The following CLPTM1L variants were observed in gnomAD, a reference collection of about 807,000 sequenced individuals.
CLPTM1L encodes the protein lipid scramblase CLPTM1L.
CLPTM1L carries 38 observed loss-of-function variants against 70.9 expected under a neutral mutation model. That is an observed-to-expected ratio of 0.54 (90% confidence interval 0.41 to 0.70). The LOEUF is 0.70. CLPTM1L is among the 30% of genes least tolerant of loss of function. CLPTM1L has a pLI of 0.00. For missense variants in CLPTM1L, 652 were observed against 705.9 expected (o/e 0.92, Z 0.87); for synonymous variants, 339 against 299.9 (o/e 1.13, Z -1.35).
intron 9 of CLPTM1L, 63 bp from the exon 10 acceptor site, chr5:1,325,879 G>C: frequency 7.1e-7 from 1 of 1,406,970 alleles, no homozygotes; most frequent in Non-Finnish European, 1.0e-6. Flanking sequence ...ACGAATGAAC[G>C]ACCCAGACAG....
chr5:1,325,868 C>T, intron 9 of CLPTM1L, 52 bp from the exon 10 acceptor site: 1 of 1,497,158 alleles, frequency 6.7e-7, no homozygotes, highest in African/African-American at 1.4e-5. Flanking sequence ...GGCCAGGAGC[C>T]ACGAATGAAC....
At chr5:1,319,005 A>C (rs1276128669) in intron 16 of CLPTM1L, among the ~76,000 whole-genome samples, 1 of 152,180 alleles carries the variant, frequency 6.6e-6, no homozygotes, top group African/African-American at 2.4e-5. Context: ...GCTGCCCACC[A>C]AGGGCCCTGT....
intron 16 of CLPTM1L, among the ~76,000 whole-genome samples, chr5:1,319,156 C>T (rs181400934): frequency 3.1e-4 from 47 of 152,306 alleles, no homozygotes; most frequent in African/African-American, 1.0e-3. Flanking sequence ...CCACACCAGG[C>T]GCAGCAGCGT....
intron 7 of CLPTM1L, among the ~76,000 whole-genome samples, chr5:1,332,623 C>T (rs1302262846): frequency 6.6e-6 from 1 of 152,202 alleles, no homozygotes; most frequent in Non-Finnish European, 1.5e-5. Flanking sequence ...GCACAGCAGC[C>T]TTGCTTTACC....
chr5:1,341,252 C>A (rs1302047623), intron 3 of CLPTM1L, among the ~76,000 whole-genome samples: 1 of 152,224 alleles, frequency 6.6e-6, no homozygotes, highest in African/African-American at 2.4e-5. Flanking sequence ...CAATTACATT[C>A]TTAGAATAAA....
At chr5:1,336,560 C>T (rs1753589534) in intron 5 of CLPTM1L, among the ~76,000 whole-genome samples, 1 of 152,244 alleles carries the variant, frequency 6.6e-6, no homozygotes, top group Admixed American at 6.5e-5. Context: ...GAGGTGACCA[C>T]GAGCTGGTGC....
chr5:1,337,447 C>A (rs979047029), intron 5 of CLPTM1L, among the ~76,000 whole-genome samples: 13 of 152,254 alleles, frequency 8.5e-5, no homozygotes, highest in African/African-American at 3.1e-4. Context: ...ACCCCGGGGG[C>A]TCCAGCTCCG....
At position 1,341,675 on chromosome 5, in the gene CLPTM1L, G is replaced by A; in HGVS notation, c.449C>T (p.Thr150Ile). 6.2e-7 allele frequency: 1 copy of A among 1,606,456 alleles called. No individual in the cohort carries two copies. Among genetic ancestry groups the A allele is most frequent in the East Asian group, 2.2e-5 (1 of 44,646 alleles). The change falls in exon 3 of 17, where the codon ACA becomes ATA. Residue 150 changes from threonine (T) to isoleucine (I), a missense_variant. By Grantham distance (89) the Thr-to-Ile change is moderately conservative. Around this residue, in one of 3 missense-constraint regions of CLPTM1L, gnomAD observed 402 missense variants for 388.2 expected, o/e 1.04. Coordinates refer to ENST00000320895, the MANE Select transcript of CLPTM1L (RefSeq NM_030782.5). The part of the protein sequence containing the change: ...EINLLTGESD[T>I]QQIEAEKKPT... The stretch of plus-strand genomic sequence containing the variant: ...GTAACCCATGAAGACCCTCACCTGT[G>A]TATCAGACTCCCCGGTGAGCAGGTT...
At position 1,344,932 on chromosome 5, in the gene CLPTM1L, C is replaced by G; in HGVS notation, c.-91G>C. The G allele has an allele frequency of 1.3e-6, 1 of 768,228 alleles. No individual in the cohort carries two copies. Among genetic ancestry groups the G allele is most frequent in the Non-Finnish European group, 1.6e-6 (1 of 632,776 alleles). 47.6% of individuals were successfully genotyped at this position (768,228 alleles called of 1,614,324 possible). A position where few individuals can be genotyped will look rare whatever the true frequency, so the allele number is the denominator to read the frequency against. ...CCCAGCCCGCCGCTCCGGGCTCCGC[C>G]GCTCACTGGAGAGCCGCCGCGCGCC... On this transcript the variant is annotated 5_prime_UTR_variant, in exon 1 of 17. Transcript: ENST00000320895.
Position 1,338,945 on chromosome 5 carries a change from G to A in CLPTM1L, c.514C>T (p.Pro172Ser), listed in dbSNP as rs950998495. The A allele has an allele frequency of 1.9e-6, 3 of 1,613,284 alleles. No homozygotes were observed. The highest frequency in any genetic ancestry group is 3.3e-5 in the Admixed American group (2 of 60,002). The change falls in exon 4 of 17, where the codon CCG (proline) becomes TCG (serine). Residue 172 changes from proline to serine, a missense_variant. By Grantham distance (74) the Pro-to-Ser change is moderately conservative. Coordinates refer to ENST00000320895, the MANE Select transcript of CLPTM1L (RefSeq NM_030782.5). ...GCCATCACGTTCAGCGCCAGCCGCGGTCGCCAGTGGGACACTGGCTCATCC... is the reference window on the plus strand; with the variant it reads ...GCCATCACGTTCAGCGCCAGCCGCGATCGCCAGTGGGACACTGGCTCATCC... The part of the protein sequence containing the change: ...ALDEPVSHWR[P>S]RLALNVMADN...
intron 10 of CLPTM1L, chr5:1,325,457 G>C: frequency 2.1e-6 from 1 of 482,860 alleles, no homozygotes; most frequent in East Asian, 3.3e-5. Context: ...TGGACAAGGT[G>C]CCAAAACGAA....
At chr5:1,321,407 C>T (rs1752145575) in intron 15 of CLPTM1L, among the ~76,000 whole-genome samples, 1 of 152,086 alleles carries the variant, frequency 6.6e-6, no homozygotes, top group African/African-American at 2.4e-5. Flanking sequence ...AAAAAGAAAA[C>T]CAAATCTGTG....
rs1257427948 is a variant in CLPTM1L at position 1,320,628 on chromosome 5, A to G, written c.1520T>C (p.Leu507Pro). The change falls in exon 16 of 17, where the codon CTG becomes CCG. Residue 507 changes from leucine (L) to proline (P), a missense_variant. Physicochemically the swap from Leu to Pro is moderately conservative, Grantham distance 98 (BLOSUM62 -3). This residue lies in a region of CLPTM1L where 240 missense variants were observed against 295.0 expected (regional missense o/e 0.81). Transcript: ENST00000320895. ...FRDDVVFLVYLYQRWLYPVDK... is the reference protein window; with the variant it reads ...FRDDVVFLVYPYQRWLYPVDK... ...CAGCCGCACTCACCACCGCTGGTAC[A>G]GGTAGACCAGAAACACCACGTCGTC... The G allele has an allele frequency of 6.5e-7, 1 of 1,540,084 alleles. No individual in the cohort carries two copies. Among genetic ancestry groups the G allele is most frequent in the East Asian group, 2.5e-5 (1 of 40,484 alleles).
chr5:1,334,326 T>C lies in CLPTM1L; in HGVS notation c.854A>G (p.Tyr285Cys), dbSNP rs1259896825. 6 of 1,613,606 alleles carry C rather than the reference T, an allele frequency of 3.7e-6. No homozygotes were observed. Among genetic ancestry groups the C allele is most frequent in the Admixed American group, 1.7e-5 (1 of 59,972 alleles). Residue 285 changes from tyrosine to cysteine, a missense_variant, in exon 7 of 17, where the codon TAC (tyrosine) becomes TGC (cysteine). Transcript: ENST00000320895. ...VKGIFVDTNLYFLALTFFVAA... is the reference protein window; with the variant it reads ...VKGIFVDTNLCFLALTFFVAA... Reference sequence around the variant, plus strand: ...GACAAAGAAGGTCAGCGCCAGGAAGTATAAGTTGGTATCTACAAAAATTCC... The same window carrying C: ...GACAAAGAAGGTCAGCGCCAGGAAGCATAAGTTGGTATCTACAAAAATTCC...
intron 9 of CLPTM1L, among the ~76,000 whole-genome samples, chr5:1,327,562 G>GGCACATTCCATCCAGCTCCTC (rs1752692185): frequency 2.4e-5 from 1 of 41,072 alleles, no homozygotes; most frequent in African/African-American, 9.3e-5. Context: ...TCCAGCTCCT[G>GGCACATTCCATCCAGCTCCTC]CTCTACAGGG....
chr5:1,337,033 T>G (rs1753618307), intron 5 of CLPTM1L, among the ~76,000 whole-genome samples: 1 of 152,072 alleles, frequency 6.6e-6, no homozygotes, highest in Non-Finnish European at 1.5e-5. Flanking sequence ...AGGTCAGAGG[T>G]GCCGAGAGCC....
At position 1,342,039 on chromosome 5, in the gene CLPTM1L, T is replaced by C. The variant is rs391314; in HGVS notation, c.264-179A>G. Among the ~76,000 whole-genome samples the C allele has an allele frequency of 0.068, 10,135 of 149,018 alleles. 528 individuals are homozygous for C. The highest frequency in any genetic ancestry group is 0.14 in the African/African-American group (5,703 of 39,768). The stretch of plus-strand genomic sequence containing the variant: ...GTGTGTGTGTGTGTGTGTGTGTGTG[T>C]GCACGCGCACGCGTGCGCGTCCTGA... On this transcript the variant is annotated intron_variant, in intron 2 of 16. Coordinates refer to ENST00000320895, the MANE Select transcript of CLPTM1L (RefSeq NM_030782.5). The surrounding 1 kb of genome is among the most constrained non-coding windows in gnomAD (Gnocchi z 4.3).
intron 5 of CLPTM1L, among the ~76,000 whole-genome samples, chr5:1,335,896 A>T (rs2111244780): frequency 6.7e-6 from 1 of 148,346 alleles, no homozygotes; most frequent in South Asian, 2.1e-4. Context: ...CACGTTCTGG[A>T]ACATCCAGCG....
rs971098175 is a variant in CLPTM1L, at chr5:1,325,259, C to T, written c.1147-446G>A. 40 of 249,370 alleles carry T rather than the reference C, an allele frequency of 1.6e-4. 1 individual carries two copies. Among genetic ancestry groups the T allele is most frequent in the Middle Eastern group, 1.4e-3 (1 of 712 alleles). The allele number at this position is 249,370 out of a possible 1,614,324, so 15.4% of individuals were successfully genotyped here. A position where few individuals can be genotyped will look rare whatever the true frequency, so the allele number is the denominator to read the frequency against. On this transcript the variant is annotated intron_variant, in intron 10 of 16. Transcript: ENST00000320895. ...TCTCAGCCTGTGACTGCTGAGGGCC[C>T]CGCCTCAATCAAGGTCCATCCGTGG...
Sources: gnomAD v4.1 joint callset for allele counts (sites outside exome capture counted in the v4.1 genomes callset) on GRCh38, gnomAD v4.1.1 for gene constraint, gnomAD v4.1.1 regional missense constraint, Gnocchi (gnomAD v3.1) non-coding constraint, MANE v1.5 for transcripts, NCBI Gene and HGNC (gene_info 2026-07-23, HGNC 2026-07-21) for gene names.